Variants in SLC14A2 observed in about 807,000 individuals in gnomAD.
SLC14A2 encodes the protein solute carrier family 14 member 2, also known as urea transporter 2.
In SLC14A2, 91 loss-of-function variants were observed where a neutral mutation model predicts 104.6. That is an observed-to-expected ratio of 0.87 (90% confidence interval 0.73 to 1.04). The LOEUF is 1.04. Ranked by LOEUF, SLC14A2 falls within the 50% of genes least tolerant of loss-of-function variation. SLC14A2 has a pLI of 0.00. For missense variants in SLC14A2, 1,189 were observed against 1,156.0 expected (o/e 1.03, Z -0.41); for synonymous variants, 476 against 466.4 (o/e 1.02, Z -0.27).
intron 1 of SLC14A2, among the ~76,000 whole-genome samples, chr18:45,296,607 T>C (rs1013937788): frequency 7.2e-5 from 11 of 152,198 alleles, no homozygotes; most frequent in African/African-American, 2.7e-4. Context: ...CCCTCTGGAA[T>C]GTTGCTGTTG....
At chr18:45,624,138 G>C (rs1224741683) in intron 1 of SLC14A2, among the ~76,000 whole-genome samples, 1 of 152,174 alleles carries the variant, frequency 6.6e-6, no homozygotes, top group Non-Finnish European at 1.5e-5. Flanking sequence ...GGGAAAGAGG[G>C]AAGGAGCTGG....
At chr18:45,404,791 C>A (rs2086135447) in intron 1 of SLC14A2, among the ~76,000 whole-genome samples, 1 of 152,180 alleles carries the variant, frequency 6.6e-6, no homozygotes, top group Admixed American at 6.5e-5. Context: ...TTTAACCAGT[C>A]TTCTGTGTGT....
intron 1 of SLC14A2, among the ~76,000 whole-genome samples, chr18:45,255,559 T>C (rs139830552): frequency 6.6e-6 from 1 of 152,276 alleles, no homozygotes; most frequent in East Asian, 1.9e-4. Context: ...AACTCTACCT[T>C]TGGCCGTGGT....
intron 2 of SLC14A2, among the ~76,000 whole-genome samples, chr18:45,599,888 C>T (rs1196544133): frequency 6.6e-6 from 1 of 152,134 alleles, no homozygotes; most frequent in East Asian, 1.9e-4. Flanking sequence ...CCCTTATAAA[C>T]CATCAGATCT....
intron 10 of SLC14A2, among the ~76,000 whole-genome samples, chr18:45,654,168 C>A (rs1599128354): frequency 6.6e-6 from 1 of 150,732 alleles, no homozygotes; most frequent in African/African-American, 2.4e-5. Context: ...GCAGAAGGGG[C>A]ATTTGTCTTT....
At chr18:45,626,125 A>G (rs146557806) in intron 3 of SLC14A2, among the ~76,000 whole-genome samples, 1 of 152,330 alleles carries the variant, frequency 6.6e-6, no homozygotes, top group African/African-American at 2.4e-5. Flanking sequence ...AGTTCTTTGC[A>G]AATTGCTCGT....
chr18:45,460,067 T>C (rs1412188686), intron 1 of SLC14A2, among the ~76,000 whole-genome samples: 1 of 152,168 alleles, frequency 6.6e-6, no homozygotes, highest in Non-Finnish European at 1.5e-5. Context: ...TTAAAACTGC[T>C]CTCTAAGATA....
chr18:45,602,004 G>T (rs1338516755), intron 2 of SLC14A2, among the ~76,000 whole-genome samples: 1 of 152,226 alleles, frequency 6.6e-6, no homozygotes, highest in East Asian at 1.9e-4. Flanking sequence ...ATGCCCAGGG[G>T]TCTCCTTCTT....
At chr18:45,205,219 A>G in the SLC14A2 span, among the ~76,000 whole-genome samples, 1 of 152,186 alleles carries the variant, frequency 6.6e-6, no homozygotes, top group Non-Finnish European at 1.5e-5. Flanking sequence ...GCCAGGGATT[A>G]GTATCACCAT....
intron 19 of SLC14A2, among the ~76,000 whole-genome samples, chr18:45,681,928 G>T (rs531776923): frequency 3.2e-4 from 49 of 152,340 alleles, no homozygotes; most frequent in Non-Finnish European, 5.4e-4. Context: ...CCAAATGGCT[G>T]CCAAAGACAC....
intron 2 of SLC14A2, among the ~76,000 whole-genome samples, chr18:45,532,479 C>T (rs992987737): frequency 2.1e-5 from 3 of 140,076 alleles, no homozygotes; most frequent in African/African-American, 9.4e-5. Context: ...AATGGGAGTT[C>T]ACTCATGATT....
intron 1 of SLC14A2, among the ~76,000 whole-genome samples, chr18:45,249,266 A>G (rs2084397597): frequency 6.6e-6 from 1 of 150,482 alleles, no homozygotes; most frequent in African/African-American, 2.4e-5. Context: ...TTTTTTTTGC[A>G]TAGTCATGCT....
chr18:45,501,199 T>C (rs2043192499), intron 2 of SLC14A2, among the ~76,000 whole-genome samples: 2 of 152,182 alleles, frequency 1.3e-5, no homozygotes, highest in African/African-American at 2.4e-5. Context: ...AGCCTCCAAA[T>C]GCCAGACTAT....
upstream of SLC14A2, among the ~76,000 whole-genome samples, chr18:45,208,607 G>A (rs2083934866): frequency 6.6e-6 from 1 of 152,148 alleles, no homozygotes; most frequent in Non-Finnish European, 1.5e-5. Flanking sequence ...AGTAAGCCTC[G>A]TTAGTTAAAC....
At position 45,430,812 on chromosome 18, in the gene SLC14A2, C is replaced by T. The variant is rs565268072; in HGVS notation, c.-124-52421C>T. ...AGAGAGAGCTTGCAGAGATGGTGGC[C>T]TTCACATGGTGGGAAGAAGGGAGTC... On this transcript the variant is annotated intron_variant, in intron 1 of 20. Transcript: ENST00000586448. 3.9e-5 allele frequency among the ~76,000 whole-genome samples: 6 copies of T among 152,190 alleles called. No individual in the cohort carries two copies. In the East Asian group the frequency reaches 1.2e-3, roughly 29 times the overall value.
At chr18:45,466,392 G>T (rs774447577) in intron 1 of SLC14A2, among the ~76,000 whole-genome samples, 3 of 151,584 alleles carry the variant, frequency 2.0e-5, no homozygotes, top group Non-Finnish European at 4.4e-5. Context: ...ATCAGTAACT[G>T]GTATCAGTAC....
rs137928157 is a variant in SLC14A2 at position 45,475,642 on chromosome 18, GATATATATATATATATATATATATAT to G, written c.-124-7570_-124-7545del. 1.6e-4 allele frequency among the ~76,000 whole-genome samples: 8 copies of G among 49,228 alleles called. 1 individual carries two copies. Among genetic ancestry groups the G allele is most frequent in the Non-Finnish European group, 1.6e-4 (4 of 25,332 alleles). 32.3% of individuals were successfully genotyped at this position (49,228 alleles called of 152,430 possible). Reference sequence around the variant, plus strand: ...AGGATATATATATATATATATTTAGGATATATATATATATATATATATATATATATATATATATATATATATGATAG... The same window carrying G: ...AGGATATATATATATATATATTTAGGATATATATATATATATATATGATAG... On this transcript the variant is annotated intron_variant, in intron 1 of 20. Transcript: ENST00000586448.
intron 1 of SLC14A2, among the ~76,000 whole-genome samples, chr18:45,321,923 G>T (rs2085189326): frequency 6.6e-6 from 1 of 152,136 alleles, no homozygotes; most frequent in Admixed American, 6.5e-5. Context: ...TGAAGACTTG[G>T]GCAGTCTGAC....
intron 2 of SLC14A2, among the ~76,000 whole-genome samples, chr18:45,608,129 T>C (rs1035445768): frequency 7.2e-5 from 11 of 152,256 alleles, no homozygotes; most frequent in Non-Finnish European, 5.9e-5. Context: ...GACTGGTACA[T>C]AATAGGTGCT....
Sources: allele counts gnomAD v4.1 joint callset (sites outside exome capture counted in the v4.1 genomes callset), GRCh38; gene constraint gnomAD v4.1.1; transcripts MANE v1.5; gene names NCBI Gene and HGNC (gene_info 2026-07-23, HGNC 2026-07-21).